Variants in GRID2 observed in about 807,000 individuals in gnomAD.
GRID2 encodes the protein glutamate ionotropic receptor delta type subunit 2.
GRID2 carries 33 observed loss-of-function variants against 114.8 expected under a neutral mutation model. That is an observed-to-expected ratio of 0.29 (90% CI 0.22 to 0.38). The LOEUF is 0.38. GRID2 is among the 10% of genes least tolerant of loss of function. The probability of loss-of-function intolerance (pLI) is 1.00; values close to 1 mark genes in which losing one functional copy is unlikely to be tolerated. For synonymous variants in GRID2, 505 were observed against 449.9 expected, an observed-to-expected ratio of 1.12 and a Z score of -1.55; for missense variants, 1,184 against 1,257.7, an observed-to-expected ratio of 0.94 and a Z score of 0.89.
chr4:92,639,959 C>T (rs908820730), intron 2 of GRID2, among the ~76,000 whole-genome samples: 3 of 151,658 alleles, frequency 2.0e-5, no homozygotes, highest in African/African-American at 7.3e-5. Flanking sequence ...TTGAGGCCTT[C>T]TTGAATCTTA....
chr4:92,498,576 A>G (rs926694552), intron 1 of GRID2, among the ~76,000 whole-genome samples: 3 of 151,910 alleles, frequency 2.0e-5, no homozygotes, highest in South Asian at 2.1e-4. Flanking sequence ...GTTTTGCTCA[A>G]TTGGATTCAA....
chr4:92,760,304 G>C (rs1473969031), intron 2 of GRID2, among the ~76,000 whole-genome samples: 1 of 150,692 alleles, frequency 6.6e-6, no homozygotes, highest in Admixed American at 6.6e-5. Flanking sequence ...CAGAGATGCT[G>C]TGCTGTTCCA....
chr4:92,530,415 T>G (rs1178457434), intron 1 of GRID2, among the ~76,000 whole-genome samples: 1 of 150,226 alleles, frequency 6.7e-6, no homozygotes, highest in African/African-American at 2.5e-5. Context: ...CCTAACGTTT[T>G]CAAGACTTTG....
intron 2 of GRID2, among the ~76,000 whole-genome samples, chr4:92,805,619 TC>T: frequency 6.6e-6 from 1 of 152,074 alleles, no homozygotes; most frequent in African/African-American, 2.4e-5. Context: ...TCTCTAAAAA[TC>T]CTATTATACG....
chr4:93,069,979 C>T (rs1399693075), intron 2 of GRID2, among the ~76,000 whole-genome samples: 1 of 152,032 alleles, frequency 6.6e-6, no homozygotes, highest in African/African-American at 2.4e-5. Flanking sequence ...TTAATTTTTT[C>T]ATGCTGATGT....
chr4:93,104,836 C>T (rs1732048083), intron 3 of GRID2, among the ~76,000 whole-genome samples: 1 of 152,030 alleles, frequency 6.6e-6, no homozygotes, highest in South Asian at 2.1e-4. Flanking sequence ...AATGGGATGG[C>T]TGGGTCAAAT....
intron 2 of GRID2, among the ~76,000 whole-genome samples, chr4:92,912,877 G>A (rs762425659): frequency 2.6e-5 from 4 of 151,764 alleles, no homozygotes; most frequent in Admixed American, 6.6e-5. Flanking sequence ...AATCACAGAT[G>A]AGTTGTAATT....
Position 92,460,051 on chromosome 4 carries a change from TATACAC to T in GRID2, c.89-130078_89-130073del, listed in dbSNP as rs200124071. On this transcript the variant is annotated intron_variant, in intron 1 of 15. Transcript: ENST00000282020. ...ATCTCACTATATATATATATATATATATACACACACAACTTTTTGGTTCTGTTTCTC... is the reference window on the plus strand; with the variant it reads ...ATCTCACTATATATATATATATATATACACAACTTTTTGGTTCTGTTTCTC... Among the ~76,000 whole-genome samples, 43 of 122,310 alleles carry T rather than the reference TATACAC, an allele frequency of 3.5e-4. 1 individual carries two copies. Among genetic ancestry groups the T allele is most frequent in the African/African-American group, 1.2e-3 (38 of 31,712 alleles). 80.2% of individuals were successfully genotyped at this position (122,310 alleles called of 152,430 possible).
chr4:93,735,918 G>A (rs566237389), intron 14 of GRID2, among the ~76,000 whole-genome samples: 1 of 152,026 alleles, frequency 6.6e-6, no homozygotes, highest in South Asian at 2.1e-4. Context: ...AGCATTCTGT[G>A]TACTATGCAG....
rs567841706 is a variant in GRID2 at position 92,955,727 on chromosome 4, T to G, written c.245-129268T>G. On this transcript the variant is annotated intron_variant, in intron 2 of 15. Coordinates refer to ENST00000282020, the MANE Select transcript of GRID2 (RefSeq NM_001510.4). ...CCTGAATGGTAATGCCTAGGTTTTC[T>G]TCTAGGGTTTTTATGGTTTTAGGTC... 3.5e-3 allele frequency among the ~76,000 whole-genome samples: 539 copies of G among 152,300 alleles called. 7 individuals carry two copies. The highest frequency in any genetic ancestry group is 0.012 in the African/African-American group (512 of 41,560).
intron 14 of GRID2, among the ~76,000 whole-genome samples, chr4:93,693,541 T>G (rs1345434764): frequency 6.6e-6 from 1 of 152,144 alleles, no homozygotes; most frequent in Non-Finnish European, 1.5e-5. Flanking sequence ...ATATGAGAAA[T>G]TAGTCTAAGT....
In GRID2 at chr4:92,666,881, G is replaced by A. The variant is rs568075197; in HGVS notation, c.244+76595G>A. Among the ~76,000 whole-genome samples, 152 of 151,378 alleles carry A rather than the reference G, an allele frequency of 1.0e-3. 2 individuals carry two copies. Among genetic ancestry groups the A allele is most frequent in the Admixed American group, 9.2e-3 (139 of 15,088 alleles). ...AAGAAAATGCTACTTGGAACAATAA[G>A]GGGGAGATGTAGCAAGAGTGGGTGC... is the stretch of plus-strand genomic sequence containing the variant. On this transcript the variant is annotated intron_variant, in intron 2 of 15. Coordinates refer to ENST00000282020, the MANE Select transcript of GRID2 (RefSeq NM_001510.4).
intron 1 of GRID2, among the ~76,000 whole-genome samples, chr4:92,532,375 A>T (rs906826189): frequency 6.6e-6 from 1 of 152,152 alleles, no homozygotes; most frequent in Non-Finnish European, 1.5e-5. Flanking sequence ...AAAGAAAAGG[A>T]TTTGGTTATC....
chr4:92,469,918 G>A (rs1305788442), intron 1 of GRID2, among the ~76,000 whole-genome samples: 1 of 151,842 alleles, frequency 6.6e-6, no homozygotes, highest in Non-Finnish European at 1.5e-5. Context: ...CTGCAAATTA[G>A]TTTAATAGGA....
At chr4:93,793,552 T>C (rs1383554984) in intron 1 of GRID2, among the ~76,000 whole-genome samples, 4 of 152,208 alleles carry the variant, frequency 2.6e-5, no homozygotes, top group South Asian at 4.1e-4. Flanking sequence ...TCAACCATCA[T>C]TGATGCTTGT....
At chr4:93,725,991 G>T (rs1316560628) in intron 14 of GRID2, among the ~76,000 whole-genome samples, 4 of 152,142 alleles carry the variant, frequency 2.6e-5, no homozygotes, top group African/African-American at 9.7e-5. Flanking sequence ...AGTTTAATTA[G>T]ATCCCATTTG....
At chr4:92,901,647 A>C (rs1352771291) in intron 2 of GRID2, among the ~76,000 whole-genome samples, 1 of 152,148 alleles carries the variant, frequency 6.6e-6, no homozygotes, top group Non-Finnish European at 1.5e-5. Context: ...AATTACGTTT[A>C]TGCAGTGAAT....
intron 14 of GRID2, among the ~76,000 whole-genome samples, chr4:93,755,447 AAAT>A (rs1732662644): frequency 1.3e-5 from 2 of 152,156 alleles, no homozygotes; most frequent in Admixed American, 1.3e-4. Context: ...AATTTTTTAT[AAAT>A]AACTATTTAT....
chr4:93,467,918 C>T (rs1724443963), intron 11 of GRID2, among the ~76,000 whole-genome samples: 1 of 152,100 alleles, frequency 6.6e-6, no homozygotes, highest in African/African-American at 2.4e-5. Flanking sequence ...CTTGTCATAC[C>T]TGCATCATCA....
Sources: gnomAD v4.1 joint callset for allele counts (sites outside exome capture counted in the v4.1 genomes callset) on GRCh38, gnomAD v4.1.1 for gene constraint, MANE v1.5 for transcripts, NCBI Gene and HGNC (gene_info 2026-07-23, HGNC 2026-07-21) for gene names.